The following ARHGAP35 variants were observed in gnomAD, a reference collection of about 807,000 sequenced individuals.
ARHGAP35 encodes the protein rho GTPase-activating protein 35.
Under a neutral mutation model 111.1 loss-of-function variants are expected in ARHGAP35, and 15 were observed. That is an observed-to-expected ratio of 0.13 (90% confidence interval 0.09 to 0.21). ARHGAP35 has a LOEUF of 0.21. ARHGAP35 is among the 10% of genes least tolerant of loss of function. The pLI is 1.00. For missense variants in ARHGAP35, 1,262 were observed against 1,873.0 expected, an observed-to-expected ratio of 0.67 and a Z score of 6.02; for synonymous variants, 643 against 710.3, an observed-to-expected ratio of 0.91 and a Z score of 1.51.
intron 1 of ARHGAP35, among the ~76,000 whole-genome samples, chr19:46,913,947 C>T (rs2056151420): frequency 6.6e-6 from 1 of 152,166 alleles, no homozygotes; most frequent in Admixed American, 6.5e-5. Context: ...CCTACTTTCT[C>T]TTTCTTTGTG....
intron 3 of ARHGAP35, among the ~76,000 whole-genome samples, chr19:46,987,008 A>T (rs1454006441): frequency 6.6e-6 from 1 of 151,756 alleles, no homozygotes; most frequent in Non-Finnish European, 1.5e-5. Flanking sequence ...TTGTACTTTT[A>T]GTAGAGATGG....
At chr19:46,995,394 C>T (rs754952226) in intron 5 of ARHGAP35, among the ~76,000 whole-genome samples, 1 of 152,220 alleles carries the variant, frequency 6.6e-6, no homozygotes, top group South Asian at 2.1e-4. Context: ...CAGTGAGACT[C>T]CATCTCACAA....
intron 3 of ARHGAP35, among the ~76,000 whole-genome samples, chr19:46,963,807 A>G (rs761323111): frequency 1.3e-5 from 2 of 152,194 alleles, no homozygotes; most frequent in Non-Finnish European, 2.9e-5. Flanking sequence ...ATACTGCTTC[A>G]CAAATGCCAG....
intron 1 of ARHGAP35, among the ~76,000 whole-genome samples, chr19:46,861,877 T>A (rs370184115): frequency 2.4e-4 from 36 of 151,824 alleles, no homozygotes; most frequent in African/African-American, 8.5e-4. Flanking sequence ...GCCCCAGGTC[T>A]TCCCCTTGGA....
At chr19:46,895,845 G>A (rs1016134415) in intron 1 of ARHGAP35, among the ~76,000 whole-genome samples, 2 of 152,176 alleles carry the variant, frequency 1.3e-5, no homozygotes, top group Admixed American at 6.5e-5. Flanking sequence ...GCTCATGCCT[G>A]TAATCCCAGC....
At chr19:46,903,552 A>G (rs1030624130) in intron 1 of ARHGAP35, among the ~76,000 whole-genome samples, 4 of 152,204 alleles carry the variant, frequency 2.6e-5, no homozygotes, top group Non-Finnish European at 4.4e-5. Context: ...GAGACATGGT[A>G]TTCTGAATAG....
At position 46,999,698 on chromosome 19, in the gene ARHGAP35, T is replaced by A. The variant is rs1430256683; in HGVS notation, c.4142+289T>A. The A allele has an allele frequency of 1.9e-5, 8 of 415,700 alleles. No homozygotes were observed. The highest frequency in any genetic ancestry group is 3.5e-5 in the Non-Finnish European group (8 of 230,768). 25.8% of individuals were successfully genotyped at this position (415,700 alleles called of 1,614,324 possible). A position where few individuals can be genotyped will look rare whatever the true frequency, so the allele number is the denominator to read the frequency against. On this transcript the variant is annotated intron_variant, in intron 6 of 6. Coordinates refer to ENST00000672722, the MANE Select transcript of ARHGAP35 (RefSeq NM_004491.5). This position sits in a 1 kb window ranked among gnomAD's most constrained non-coding sequence, Gnocchi z 5.4. ...GCTCCAGCGGGCATGGGGCCTCTTG[T>A]AGGCCTGTGTCCCAAAGCTGGCAGA...
intron 1 of ARHGAP35, among the ~76,000 whole-genome samples, chr19:46,878,304 T>C (rs568034684): frequency 2.0e-5 from 3 of 151,976 alleles, no homozygotes; most frequent in East Asian, 3.9e-4. Context: ...ATTACAGGTA[T>C]GAGCCATCGC....
intron 1 of ARHGAP35, among the ~76,000 whole-genome samples, chr19:46,870,167 T>G (rs1187739211): frequency 1.3e-5 from 2 of 151,616 alleles, no homozygotes; most frequent in African/African-American, 4.8e-5. Flanking sequence ...GCCAGGCTGG[T>G]CTCGAACTCC....
intron 3 of ARHGAP35, among the ~76,000 whole-genome samples, chr19:46,978,060 C>T (rs1254601299): frequency 6.6e-6 from 1 of 152,138 alleles, no homozygotes; most frequent in East Asian, 1.9e-4. Context: ...TAGGGAGGCC[C>T]TGCAAGTTCA....
intron 1 of ARHGAP35, among the ~76,000 whole-genome samples, chr19:46,875,600 G>A (rs73057365): frequency 0.19 from 29,071 of 152,042 alleles, 3,493 homozygotes; most frequent in Non-Finnish European, 0.28. Flanking sequence ...CTGAGTTCTC[G>A]TGTCTATAAA....
rs1426065781 is a variant in ARHGAP35, at chr19:46,999,374, C to T, written c.4107C>T (p.His1369=). Reference sequence around the variant, plus strand: ...TAAAGAAATTTCCAAAGGAAAACCACGAAGTCTTCAAGTATGTCATCTCTC... The same window carrying T: ...TAAAGAAATTTCCAAAGGAAAACCATGAAGTCTTCAAGTATGTCATCTCTC... ...EVLKKFPKEN[H]EVFKYVISHL... is the part of the protein sequence containing the mutation. Residue 1369 remains histidine (H), a synonymous_variant, in exon 6 of 7, where the codon CAC becomes CAT. Transcript: ENST00000672722. The surrounding 1 kb of genome is among the most constrained non-coding windows in gnomAD (Gnocchi z 5.4). 4.4e-6 allele frequency: 7 copies of T among 1,593,534 alleles called. No homozygotes were observed. Among genetic ancestry groups the T allele is most frequent in the Non-Finnish European group, 5.1e-6 (6 of 1,170,022 alleles).
intron 1 of ARHGAP35, among the ~76,000 whole-genome samples, chr19:46,867,497 C>T (rs2055864646): frequency 6.6e-6 from 1 of 152,134 alleles, no homozygotes; most frequent in Admixed American, 6.6e-5. Flanking sequence ...TTGTGACTAG[C>T]CAAATCATTT....
intron 1 of ARHGAP35, among the ~76,000 whole-genome samples, chr19:46,886,225 C>G (rs920338284): frequency 3.9e-5 from 6 of 152,166 alleles, no homozygotes; most frequent in African/African-American, 1.4e-4. Context: ...TCAGCCTTGT[C>G]TAATATAACT....
chr19:46,969,497 C>A (rs1189091530), intron 3 of ARHGAP35, among the ~76,000 whole-genome samples: 1 of 152,106 alleles, frequency 6.6e-6, no homozygotes, highest in Non-Finnish European at 1.5e-5. Context: ...TACACTCTGT[C>A]GGACTGCTTG....
At chr19:46,942,815 CAGAAAA>C (rs1325443042) in intron 3 of ARHGAP35, among the ~76,000 whole-genome samples, 22 of 42,284 alleles carry the variant, frequency 5.2e-4, no homozygotes, top group Admixed American at 1.3e-3. Context: ...GACCCTGTCT[CAGAAAA>C]AAAAAAAAAA....
intron 1 of ARHGAP35, among the ~76,000 whole-genome samples, chr19:46,878,464 G>A (rs760797681): frequency 2.6e-5 from 4 of 151,924 alleles, no homozygotes; most frequent in African/African-American, 4.8e-5. Context: ...CTAGAGATGC[G>A]CACACTACCA....
intron 1 of ARHGAP35, among the ~76,000 whole-genome samples, chr19:46,889,662 A>C (rs1221341008): frequency 1.3e-5 from 2 of 151,738 alleles, no homozygotes; most frequent in East Asian, 3.9e-4. Context: ...ATGAATCAGG[A>C]AACAAGAGTA....
In ARHGAP35 at chr19:46,989,291, G is replaced by A; in HGVS notation, c.3905-253G>A. On this transcript the variant is annotated intron_variant, in intron 4 of 6. Coordinates refer to ENST00000672722, the MANE Select transcript of ARHGAP35 (RefSeq NM_004491.5). This position sits in a 1 kb window ranked among gnomAD's most constrained non-coding sequence, Gnocchi z 5.3. Reference sequence around the variant, plus strand: ...TCCTGGCACCAAAAACCAGCATGTGGGGGTAGCACCCCTGCCCCGAGAGTG... The same window carrying A: ...TCCTGGCACCAAAAACCAGCATGTGAGGGTAGCACCCCTGCCCCGAGAGTG... 1 of 378,316 alleles carries A rather than the reference G, an allele frequency of 2.6e-6. No individual in the cohort carries two copies. The highest frequency in any genetic ancestry group is 3.6e-5 in the South Asian group (1 of 27,908). 23.4% of individuals were successfully genotyped at this position (378,316 alleles called of 1,614,324 possible).
Sources: gnomAD v4.1 joint callset for allele counts (sites outside exome capture counted in the v4.1 genomes callset) on GRCh38, gnomAD v4.1.1 for gene constraint, Gnocchi (gnomAD v3.1) non-coding constraint, MANE v1.5 for transcripts, NCBI Gene and HGNC (gene_info 2026-07-23, HGNC 2026-07-21) for gene names.